The following SSR1 variants were observed in gnomAD, a reference collection of about 807,000 sequenced individuals.
SSR1 encodes signal sequence receptor subunit 1, also known as translocon-associated protein subunit alpha.
A neutral mutation model predicts 36.1 loss-of-function variants in SSR1; 13 were observed. That is an observed-to-expected ratio of 0.36 (90% CI 0.23 to 0.57). The LOEUF is 0.57. SSR1 is among the 20% of genes least tolerant of loss of function. SSR1 has a pLI of 0.81. For missense variants in SSR1, 291 were observed against 338.5 expected, an observed-to-expected ratio of 0.86 and a Z score of 1.10; for synonymous variants, 113 against 118.9, an observed-to-expected ratio of 0.95 and a Z score of 0.32.
At chr6:7,293,565 G>A (rs933251093) in intron 7 of SSR1, among the ~76,000 whole-genome samples, 13 of 151,798 alleles carry the variant, frequency 8.6e-5, no homozygotes, top group South Asian at 2.1e-4. Context: ...CTAGGCGCAC[G>A]TCAACACATG....
intron 3 of SSR1, among the ~76,000 whole-genome samples, chr6:7,303,067 C>T (rs1293987339): frequency 1.5e-5 from 2 of 136,356 alleles, no homozygotes; most frequent in South Asian, 5.0e-4. Flanking sequence ...AACCGGGAGG[C>T]CTCGGAGGTT....
At chr6:7,308,862 C>T (rs1283099116) in intron 2 of SSR1, among the ~76,000 whole-genome samples, 1 of 152,102 alleles carries the variant, frequency 6.6e-6, no homozygotes, top group South Asian at 2.1e-4. Flanking sequence ...AGAATAAAAA[C>T]AGAGTAAAAG....
At chr6:7,293,614 A>G (rs538417285) in intron 7 of SSR1, among the ~76,000 whole-genome samples, 2 of 152,146 alleles carry the variant, frequency 1.3e-5, no homozygotes, top group East Asian at 3.9e-4. Context: ...GGGTCTCACT[A>G]TGTTGCCAAG....
intron 2 of SSR1, among the ~76,000 whole-genome samples, chr6:7,306,423 G>A (rs1451247254): frequency 6.6e-5 from 10 of 151,886 alleles, no homozygotes; most frequent in African/African-American, 1.7e-4. Flanking sequence ...GAGTACAGGC[G>A]TGAGCCACTG....
Position 7,284,291 on chromosome 6 carries a change from A to T in SSR1, c.*5573T>A, listed in dbSNP as rs1161655193. The T allele has an allele frequency of 2.6e-5, 4 of 152,148 alleles. No homozygotes were observed. In the East Asian group the frequency reaches 7.7e-4, roughly 29 times the overall value. The allele number at this position is 152,148 out of a possible 1,614,324, so 9.4% of individuals were successfully genotyped here. ...AGAACTGGATGTGCAGGTGTAAGAG[A>T]TTTATTACAAAACAAAAACTCCCCT... On this transcript the variant is annotated 3_prime_UTR_variant, in exon 8 of 8. Coordinates refer to ENST00000244763, the MANE Select transcript of SSR1 (RefSeq NM_003144.5).
rs1476960671 is a variant in SSR1, at chr6:7,285,249, G to A, written c.*4615C>T. The A allele has an allele frequency of 6.6e-6, 1 of 152,198 alleles. No individual in the cohort carries two copies. Among genetic ancestry groups the A allele is most frequent in the South Asian group, 2.1e-4 (1 of 4,828 alleles). 9.4% of individuals were successfully genotyped at this position (152,198 alleles called of 1,614,324 possible). ...CAGCAGGGGAACAAAAAAAGGCACA[G>A]TCAAAACATCTTTGACTGCAATTTG... is the stretch of plus-strand genomic sequence containing the variant. On this transcript the variant is annotated 3_prime_UTR_variant, in exon 8 of 8. Transcript: ENST00000244763. The surrounding 1 kb of genome is among the most constrained non-coding windows in gnomAD (Gnocchi z 4.1).
intron 4 of SSR1, among the ~76,000 whole-genome samples, chr6:7,300,788 G>A (rs1415685717): frequency 6.6e-6 from 1 of 152,024 alleles, no homozygotes; most frequent in African/African-American, 2.4e-5. Context: ...GATTACAGGC[G>A]ACTGCCACCA....
chr6:7,297,494 G>C (rs1338211515), intron 6 of SSR1, among the ~76,000 whole-genome samples: 1 of 152,034 alleles, frequency 6.6e-6, no homozygotes, highest in Non-Finnish European at 1.5e-5. Flanking sequence ...GGGAGGCCAA[G>C]GTGGGCAGAT....
chr6:7,299,504 G>C (rs1485787646), intron 4 of SSR1, among the ~76,000 whole-genome samples: 1 of 152,132 alleles, frequency 6.6e-6, no homozygotes, highest in Non-Finnish European at 1.5e-5. Context: ...TTCAAGACCA[G>C]CCTGGCCAAC....
At chr6:7,300,295 C>T (rs1448622279) in intron 4 of SSR1, among the ~76,000 whole-genome samples, 1 of 152,156 alleles carries the variant, frequency 6.6e-6, no homozygotes, top group Non-Finnish European at 1.5e-5. Context: ...AAAATTTCCT[C>T]GTCTGAAAAC....
At chr6:7,293,267 G>C (rs182498286) in intron 7 of SSR1, among the ~76,000 whole-genome samples, 3 of 151,862 alleles carry the variant, frequency 2.0e-5, no homozygotes, top group Admixed American at 2.0e-4. Flanking sequence ...CTTTAGTGGT[G>C]ACTTCTGAGA....
Position 7,286,465 on chromosome 6 carries a change from G to C in SSR1, c.*3399C>G, listed in dbSNP as rs545395822. 1.3e-5 allele frequency: 2 copies of C among 152,152 alleles called. No individual in the cohort carries two copies. The highest frequency in any genetic ancestry group is 4.8e-5 in the African/African-American group (2 of 41,412). 9.4% of individuals were successfully genotyped at this position (152,152 alleles called of 1,614,324 possible). Reference sequence around the variant, plus strand: ...CTTATAGACAGATTAACTTAACAACGAAACCTAACATTCCACCAGTAAGAA... The same window carrying C: ...CTTATAGACAGATTAACTTAACAACCAAACCTAACATTCCACCAGTAAGAA... On this transcript the variant is annotated 3_prime_UTR_variant, in exon 8 of 8. Transcript: ENST00000244763.
At chr6:7,294,250 TTAC>T (rs1428522228) in intron 7 of SSR1, among the ~76,000 whole-genome samples, 5 of 152,172 alleles carry the variant, frequency 3.3e-5, no homozygotes, top group African/African-American at 1.2e-4. Context: ...ATTTATGTAG[TTAC>T]TACAAAGAGA....
chr6:7,290,932 C>T (rs1411752356), intron 7 of SSR1, among the ~76,000 whole-genome samples: 4 of 150,184 alleles, frequency 2.7e-5, no homozygotes, highest in East Asian at 4.0e-4. Context: ...CTCACTCTGT[C>T]GCCCAGGCTG....
At position 7,306,784 on chromosome 6, in the gene SSR1, C is replaced by T. The variant is rs573024733; in HGVS notation, c.192+3133G>A. 1.1e-4 allele frequency among the ~76,000 whole-genome samples: 16 copies of T among 151,770 alleles called. No homozygotes were observed. In the East Asian group the frequency reaches 1.6e-3, roughly 15 times the overall value. On this transcript the variant is annotated intron_variant, in intron 2 of 7. Transcript: ENST00000244763. ...ACAAAAAATTAGCCGGGTGTGGTGG[C>T]GGGCGCCTATAATCCCAGCTACTCG...
rs200073378 is a variant in SSR1, at chr6:7,303,676, G to GA, written c.193-40dup. ...CAATTAAGAGGAGATTACTATGGGA[G>GA]AAAAAAAAATCATTATTTAAAAATA... On this transcript the variant is annotated intron_variant, in intron 2 of 7. Transcript: ENST00000244763. The GA allele has an allele frequency of 1.2e-3, 1,765 of 1,419,978 alleles. 2 individuals carry two copies. Among genetic ancestry groups the GA allele is most frequent in the East Asian group, 5.7e-3 (249 of 43,428 alleles). The allele number at this position is 1,419,978 out of a possible 1,614,324, so 88.0% of individuals were successfully genotyped here.
intron 7 of SSR1, among the ~76,000 whole-genome samples, chr6:7,293,039 C>A (rs1176893428): frequency 6.6e-6 from 1 of 152,112 alleles, no homozygotes; most frequent in Non-Finnish European, 1.5e-5. Flanking sequence ...GAAATTAGTT[C>A]CAGGACTACT....
intron 7 of SSR1, among the ~76,000 whole-genome samples, chr6:7,292,568 A>T (rs562088432): frequency 6.6e-6 from 1 of 151,446 alleles, no homozygotes; most frequent in Non-Finnish European, 1.5e-5. Flanking sequence ...TTTTTCTCTT[A>T]GAGATGGGAG....
In SSR1 at chr6:7,289,903, C is replaced by T; in HGVS notation, c.822G>A (p.Arg274=). The T allele has an allele frequency of 1.3e-6, 2 of 1,537,520 alleles. No individual in the cohort carries two copies. The highest frequency in any genetic ancestry group is 2.9e-5 in the African/African-American group (2 of 69,526). The change falls in exon 8 of 8, where the codon AGG becomes AGA. Residue 274 remains arginine (R), a synonymous_variant. Coordinates refer to ENST00000244763, the MANE Select transcript of SSR1 (RefSeq NM_003144.5). ...INKASPRRLP[R]KRAQKRSVGS... ...CCACTGATCTCTTCTGTGCCCGTTTCCTGGGCAACCTTCTTGGTGAAGCTT... is the reference window on the plus strand; with the variant it reads ...CCACTGATCTCTTCTGTGCCCGTTTTCTGGGCAACCTTCTTGGTGAAGCTT...
Sources: gnomAD v4.1 joint callset for allele counts (sites outside exome capture counted in the v4.1 genomes callset) on GRCh38, gnomAD v4.1.1 for gene constraint, Gnocchi (gnomAD v3.1) non-coding constraint, MANE v1.5 for transcripts, NCBI Gene and HGNC (gene_info 2026-07-23, HGNC 2026-07-21) for gene names.